PPEF1: variants seen among roughly 807,000 people sequenced by gnomAD.
PPEF1 encodes protein phosphatase with EF-hand domain 1, also known as serine/threonine-protein phosphatase with EF-hands 1.
PPEF1 carries 12 observed loss-of-function variants against 53.3 expected under a neutral mutation model. The observed-to-expected ratio is 0.23, with a 90% CI of 0.14 to 0.36. The LOEUF (loss-of-function observed/expected upper bound fraction) is 0.36, where lower values mean the gene tolerates loss of function less well. Ranked by LOEUF, PPEF1 falls within the 10% of genes least tolerant of loss-of-function variation. The probability of loss-of-function intolerance (pLI) is 1.00; values close to 1 mark genes in which losing one functional copy is unlikely to be tolerated. For synonymous variants in PPEF1, 165 were observed against 176.7 expected, an observed-to-expected ratio of 0.93 and a Z score of 0.52; for missense variants, 334 against 490.4, an observed-to-expected ratio of 0.68 and a Z score of 3.01.
Position 18,776,209 on chromosome X carries a change from G to GTGGT in PPEF1, c.559-2767_559-2764dup, listed in dbSNP as rs564617999. ...ATGCAGAATCCTTCCCCCTTTCTTTGTGGTTGGTTGGTTGGTTGGTTGGTT... is the reference window on the plus strand; with the variant it reads ...ATGCAGAATCCTTCCCCCTTTCTTTGTGGTTGGTTGGTTGGTTGGTTGGTTGGTT... On this transcript the variant is annotated intron_variant, in intron 6 of 15. Coordinates refer to ENST00000470157, the MANE Select transcript of PPEF1 (RefSeq NM_001377996.1). 6.7e-3 allele frequency among the ~76,000 whole-genome samples: 693 copies of GTGGT among 103,631 alleles called. 3 individuals are homozygous for GTGGT. The highest frequency in any genetic ancestry group is 0.02 in the African/African-American group (556 of 28,230). 90.0% of individuals were successfully genotyped at this position (103,631 alleles called of 115,157 possible). A position where few individuals can be genotyped will look rare whatever the true frequency, so the allele number is the denominator to read the frequency against.
intron 10 of PPEF1, among the ~76,000 whole-genome samples, chrX:18,791,778 G>T (rs764230490): frequency 4.5e-5 from 5 of 111,992 alleles, no homozygotes; most frequent in Non-Finnish European, 9.4e-5. Context: ...ACTGGGGAAA[G>T]CATTCAGTCT....
chrX:18,715,031 A>C, intron 1 of PPEF1, among the ~76,000 whole-genome samples: 1 of 111,751 alleles, frequency 8.9e-6, no homozygotes, highest in South Asian at 3.7e-4. Context: ...CCTACATATA[A>C]AATCGAGGCT....
chrX:18,800,328 C>T (rs2046523468), intron 10 of PPEF1, among the ~76,000 whole-genome samples: 1 of 109,899 alleles, frequency 9.1e-6, no homozygotes, highest in African/African-American at 3.3e-5. Context: ...ATAATATATC[C>T]ATATTTATAT....
At chrX:18,717,958 T>G (rs1446212998) in intron 1 of PPEF1, among the ~76,000 whole-genome samples, 1 of 111,885 alleles carries the variant, frequency 8.9e-6, no homozygotes, top group Non-Finnish European at 1.9e-5. Context: ...CTTTTCTTTG[T>G]AAAAGGAGAC....
intron 11 of PPEF1, among the ~76,000 whole-genome samples, chrX:18,805,829 G>A (rs1482764382): frequency 1.2e-5 from 1 of 86,516 alleles, no homozygotes; most frequent in Non-Finnish European, 2.3e-5. Context: ...GTGAGAGAGC[G>A]AGACTCCATC....
chrX:18,709,695 A>C (rs1297192939), intron 1 of PPEF1, among the ~76,000 whole-genome samples: 1 of 110,043 alleles, frequency 9.1e-6, no homozygotes, highest in Non-Finnish European at 1.9e-5. Flanking sequence ...ACAGGGTTTC[A>C]CCATGTTGGC....
At chrX:18,698,359 C>T (rs1391778792) in intron 5 of PPEF1, among the ~76,000 whole-genome samples, 1 of 112,364 alleles carries the variant, frequency 8.9e-6, no homozygotes, top group African/African-American at 3.2e-5. Context: ...ACAGCCAATC[C>T]AATTCGTGGT....
At chrX:18,731,236 A>G (rs1163912567) in intron 2 of PPEF1, among the ~76,000 whole-genome samples, 1 of 112,407 alleles carries the variant, frequency 8.9e-6, no homozygotes, top group African/African-American at 3.2e-5. Flanking sequence ...TGTTTACAGT[A>G]GTTAGTTCTG....
intron 3 of PPEF1, among the ~76,000 whole-genome samples, chrX:18,690,712 CTT>C (rs1290210627): frequency 8.9e-6 from 1 of 112,368 alleles, no homozygotes; most frequent in African/African-American, 3.2e-5. Flanking sequence ...AAGAAACAAA[CTT>C]TTCTTTGTTT....
At chrX:18,793,970 T>TTGAC (rs1355106045) in intron 10 of PPEF1, among the ~76,000 whole-genome samples, 1 of 111,819 alleles carries the variant, frequency 8.9e-6, no homozygotes, top group Admixed American at 9.5e-5. Context: ...TGGGCTCTCT[T>TTGAC]TGACTGTCTC....
chrX:18,734,863 T>C (rs1472179815), intron 3 of PPEF1, among the ~76,000 whole-genome samples: 1 of 112,277 alleles, frequency 8.9e-6, no homozygotes, highest in Non-Finnish European at 1.9e-5. Context: ...TTGATTTGCA[T>C]TTCTCTGATG....
In PPEF1 at chrX:18,824,214, G is replaced by A. The variant is rs768703305; in HGVS notation, c.1665+128G>A. 39 of 677,399 alleles carry A rather than the reference G, an allele frequency of 5.8e-5. No homozygotes were observed. The African/African-American group carries it at 6.3e-4, about 11-fold the overall frequency. The allele number at this position is 677,399 out of a possible 1,213,427, so 55.8% of individuals were successfully genotyped here. A position where few individuals can be genotyped will look rare whatever the true frequency, so the allele number is the denominator to read the frequency against. On this transcript the variant is annotated intron_variant, in intron 14 of 15. Transcript: ENST00000470157. ...CCCAGCACTTTCGGAGGCCAAGGCG[G>A]GCAGATCCCGAGGTCAGGAGTTCGA...
intron 3 of PPEF1, among the ~76,000 whole-genome samples, chrX:18,745,172 T>A (rs1375682251): frequency 1.1e-5 from 1 of 95,226 alleles, no homozygotes; most frequent in African/African-American, 3.8e-5. Context: ...TAATTATATA[T>A]TATATTATAT....
chrX:18,703,973 G>A (rs190676914), upstream of PPEF1, among the ~76,000 whole-genome samples: 205 of 103,355 alleles, frequency 2.0e-3, no homozygotes, highest in African/African-American at 7.0e-3. Flanking sequence ...ACCCAGGCTG[G>A]AGTGCAGTGG....
intron 8 of PPEF1, 82 bp downstream of exon 8, chrX:18,782,484 G>C (rs2046107679): frequency 2.5e-6 from 2 of 794,954 alleles, no homozygotes; most frequent in Non-Finnish European, 3.5e-6. Context: ...AGAAAGACCA[G>C]ATTGATGCTT....
intron 10 of PPEF1, among the ~76,000 whole-genome samples, chrX:18,802,640 G>T (rs190460601): frequency 1.0e-3 from 117 of 111,994 alleles, no homozygotes; most frequent in African/African-American, 3.8e-3. Flanking sequence ...GCTTCCTCAG[G>T]CTATGTGCTC....
intron 13 of PPEF1, among the ~76,000 whole-genome samples, chrX:18,822,281 C>G (rs1219247818): frequency 9.2e-6 from 1 of 108,279 alleles, no homozygotes; most frequent in Non-Finnish European, 1.9e-5. Flanking sequence ...TGTCTACTAA[C>G]AGAGACTAAC....
chrX:18,810,075 TC>T (rs1337696640), intron 12 of PPEF1, among the ~76,000 whole-genome samples: 1 of 55,277 alleles, frequency 1.8e-5, no homozygotes, highest in Non-Finnish European at 3.8e-5. Context: ...GAAAAAATCC[TC>T]TGTGTGTGTG....
chrX:18,766,861 C>G (rs1476202318), intron 6 of PPEF1, among the ~76,000 whole-genome samples: 1 of 107,435 alleles, frequency 9.3e-6, no homozygotes, highest in East Asian at 2.9e-4. Context: ...CCAGCCCAAC[C>G]AACATGGTGG....
Sources: allele counts gnomAD v4.1 joint callset (sites outside exome capture counted in the v4.1 genomes callset), GRCh38; gene constraint gnomAD v4.1.1; transcripts MANE v1.5; gene names NCBI Gene and HGNC (gene_info 2026-07-23, HGNC 2026-07-21).